The following KIF26B variants were observed in gnomAD, a reference collection of about 807,000 sequenced individuals.
KIF26B encodes the protein kinesin family member 26B.
KIF26B carries 63 observed loss-of-function variants against 151.2 expected under a neutral mutation model. The observed-to-expected ratio is 0.42, with a 90% CI of 0.34 to 0.51. KIF26B has a LOEUF of 0.51. Among genes scored for constraint, KIF26B ranks in the 20% least tolerant of loss-of-function variants. The probability of loss-of-function intolerance (pLI) is 0.07; values close to 1 mark genes in which losing one functional copy is unlikely to be tolerated. For synonymous variants in KIF26B, 1,357 were observed against 1,262.1 expected (o/e 1.08, Z -1.59); for missense variants, 2,813 against 2,913.6 (o/e 0.97, Z 0.79).
chr1:245,633,132 C>A (rs1300173405), intron 9 of KIF26B, among the ~76,000 whole-genome samples: 3 of 151,892 alleles, frequency 2.0e-5, no homozygotes, highest in Non-Finnish European at 4.4e-5. Context: ...TTTTGGCTAA[C>A]ATTGTATTTT....
rs2044528306 is a variant in KIF26B, at chr1:245,686,721, C to T, written c.3738C>T (p.Ala1246=). The T allele has an allele frequency of 6.2e-7, 1 of 1,613,410 alleles. No individual in the cohort carries two copies. The highest frequency in any genetic ancestry group is 1.3e-5 in the African/African-American group (1 of 74,958). Residue 1246 remains alanine (A), a synonymous_variant, in exon 12 of 15, where the codon GCC becomes GCT. Coordinates refer to ENST00000407071, the MANE Select transcript of KIF26B (RefSeq NM_018012.4). The surrounding 1 kb of genome is among the most constrained non-coding windows in gnomAD (Gnocchi z 5.6). Reference sequence around the variant, plus strand: ...ACCTGGAGTGCTACTCCAGCACGGCCCCCGTCTCCGAGGTCAGCATCACAC... The same window carrying T: ...ACCTGGAGTGCTACTCCAGCACGGCTCCCGTCTCCGAGGTCAGCATCACAC... ...SEDLECYSST[A]PVSEVSITQF... is the part of the protein sequence containing the mutation.
Position 245,305,953 on chromosome 1 carries a change from A to G in KIF26B, c.466-60881A>G, listed in dbSNP as rs1010013443. Among the ~76,000 whole-genome samples the G allele has an allele frequency of 1.5e-3, 220 of 151,604 alleles. 1 individual carries two copies. The highest frequency in any genetic ancestry group is 4.9e-3 in the African/African-American group (204 of 41,366). ...CGACTCCTCAAAAAAAAAAAAAAAAAAAAAGAAAAGAAAATGTGAAACGAT... is the reference window on the plus strand; with the variant it reads ...CGACTCCTCAAAAAAAAAAAAAAAAGAAAAGAAAAGAAAATGTGAAACGAT... On this transcript the variant is annotated intron_variant, in intron 2 of 14. Coordinates refer to ENST00000407071, the MANE Select transcript of KIF26B (RefSeq NM_018012.4).
intron 4 of KIF26B, among the ~76,000 whole-genome samples, chr1:245,465,881 T>C (rs1445180800): frequency 3.3e-5 from 5 of 151,990 alleles, no homozygotes. Context: ...TCCTCTCCCA[T>C]CTCCTTCTGC....
chr1:245,611,833 A>C lies in KIF26B; in HGVS notation c.1955A>C (p.Lys652Thr), dbSNP rs1167489070. The C allele has an allele frequency of 6.2e-7, 1 of 1,613,822 alleles. No homozygotes were observed. Among genetic ancestry groups the C allele is most frequent in the East Asian group, 2.2e-5 (1 of 44,872 alleles). The stretch of plus-strand genomic sequence containing the variant: ...GAGCTGCGGGCCCCCACCGCAGAGA[A>C]GGCTGCCTTTTTCCTGGATGCCGCC... ...QSELRAPTAEKAAFFLDAAIA... is the reference protein window; with the variant it reads ...QSELRAPTAETAAFFLDAAIA... The change falls in exon 9 of 15, where the codon AAG becomes ACG. Residue 652 changes from lysine (K) to threonine (T), a missense_variant. By Grantham distance (78) the Lys-to-Thr change is moderately conservative. This residue lies in a region of KIF26B where 2,060 missense variants were observed against 2,088.6 expected (regional missense o/e 0.99). Transcript: ENST00000407071.
At chr1:245,651,503 T>C (rs1460611045) in intron 10 of KIF26B, among the ~76,000 whole-genome samples, 1 of 151,484 alleles carries the variant, frequency 6.6e-6, no homozygotes, top group African/African-American at 2.4e-5. Context: ...TAGCCTCTCC[T>C]TTCTCAGAAC....
At chr1:245,562,111 C>T (rs192690652) in intron 5 of KIF26B, among the ~76,000 whole-genome samples, 85 of 152,114 alleles carry the variant, frequency 5.6e-4, no homozygotes, top group African/African-American at 2.0e-3. Flanking sequence ...TACTTTGTCT[C>T]CGCGGTGGTG....
intron 5 of KIF26B, among the ~76,000 whole-genome samples, chr1:245,592,869 G>C (rs1420764763): frequency 6.6e-6 from 1 of 152,212 alleles, no homozygotes; most frequent in Non-Finnish European, 1.5e-5. Flanking sequence ...CTGTGGTTCT[G>C]TAATGGTAAC....
intron 3 of KIF26B, among the ~76,000 whole-genome samples, chr1:245,408,547 G>C (rs1674195332): frequency 6.6e-6 from 1 of 151,932 alleles, no homozygotes; most frequent in African/African-American, 2.4e-5. Flanking sequence ...TAGAGACGGG[G>C]TTTCACCATA....
chr1:245,602,778 T>C lies in KIF26B; in HGVS notation c.1552T>C (p.Ser518Pro). 1 of 1,613,264 alleles carries C rather than the reference T, an allele frequency of 6.2e-7. No homozygotes were observed. The highest frequency in any genetic ancestry group is 8.5e-7 in the Non-Finnish European group (1 of 1,179,854). Residue 518 changes from serine to proline, a missense_variant, in exon 6 of 15, where the codon TCT becomes CCT. Transcript: ENST00000407071. This position sits in a 1 kb window ranked among gnomAD's most constrained non-coding sequence, Gnocchi z 4.5. ...CGATGCAGTTTTTCCACAAGACGCT[T>C]CTCAGGTGGGTATCAGCCCCCTCTC... ...AFDAVFPQDA[S>P]QAEVCAGTVA...
chr1:245,461,540 T>G (rs1572073236), intron 4 of KIF26B, among the ~76,000 whole-genome samples: 1 of 152,284 alleles, frequency 6.6e-6, no homozygotes, highest in East Asian at 1.9e-4. Context: ...CAGGGTCGTT[T>G]GTTGAGAGAA....
At chr1:245,629,047 G>A (rs937646540) in intron 9 of KIF26B, among the ~76,000 whole-genome samples, 7 of 152,130 alleles carry the variant, frequency 4.6e-5, no homozygotes, top group African/African-American at 7.2e-5. Flanking sequence ...CAAGGAATGC[G>A]AAGGACCCCT....
intron 4 of KIF26B, among the ~76,000 whole-genome samples, chr1:245,525,575 C>T (rs755388661): frequency 2.0e-5 from 3 of 152,146 alleles, no homozygotes; most frequent in Non-Finnish European, 4.4e-5. Flanking sequence ...CAAAGCCTAG[C>T]TGTTGTGTAA....
intron 12 of KIF26B, among the ~76,000 whole-genome samples, chr1:245,693,010 T>C (rs1035305210): frequency 6.6e-6 from 1 of 152,126 alleles, no homozygotes; most frequent in African/African-American, 2.4e-5. Flanking sequence ...GCCCCTACCC[T>C]GAGCCCCCAG....
At chr1:245,462,355 A>G (rs906952893) in intron 4 of KIF26B, among the ~76,000 whole-genome samples, 10 of 152,154 alleles carry the variant, frequency 6.6e-5, no homozygotes, top group African/African-American at 2.4e-4. Context: ...ATGCACGCGT[A>G]GTGTTTGCCC....
intron 3 of KIF26B, among the ~76,000 whole-genome samples, chr1:245,372,230 C>T (rs1050396060): frequency 6.6e-6 from 1 of 152,126 alleles, no homozygotes; most frequent in Non-Finnish European, 1.5e-5. Context: ...GTTGCATGCT[C>T]CTTATGAGAA....
chr1:245,181,573 A>T (rs1668907708), intron 2 of KIF26B, among the ~76,000 whole-genome samples: 1 of 152,098 alleles, frequency 6.6e-6, no homozygotes, highest in South Asian at 2.1e-4. Flanking sequence ...AGGCAAAAAT[A>T]AACATGGCTA....
chr1:245,449,039 C>T (rs371818543), intron 4 of KIF26B, among the ~76,000 whole-genome samples: 8 of 152,276 alleles, frequency 5.3e-5, no homozygotes, highest in South Asian at 2.1e-4. Context: ...TACTTTAGCA[C>T]GTCAGTACTT....
Position 245,687,915 on chromosome 1 carries a change from G to C in KIF26B, c.4932G>C (p.Lys1644Asn), listed in dbSNP as rs1279769041. ...GCCTCCCAGACGAGCCTAGCGGCAA[G>C]ACGAAGGACGCCAGCAGCAGCAGCA... ...PAGLPDEPSG[K>N]TKDASSSSKL... The change falls in exon 12 of 15, where the codon AAG (lysine) becomes AAC (asparagine). Residue 1644 changes from lysine to asparagine, a missense_variant. Physicochemically the swap from Lys to Asn is moderately conservative, Grantham distance 94. Coordinates refer to ENST00000407071, the MANE Select transcript of KIF26B (RefSeq NM_018012.4). The surrounding 1 kb of genome is among the most constrained non-coding windows in gnomAD (Gnocchi z 4.9). 1.3e-6 allele frequency: 2 copies of C among 1,593,498 alleles called. No homozygotes were observed. Among genetic ancestry groups the C allele is most frequent in the Non-Finnish European group, 1.7e-6 (2 of 1,171,878 alleles).
intron 2 of KIF26B, among the ~76,000 whole-genome samples, chr1:245,317,764 T>C (rs1260860495): frequency 6.6e-6 from 1 of 152,210 alleles, no homozygotes; most frequent in East Asian, 1.9e-4. Context: ...GAGGTGGGTG[T>C]GCTGGGCGGG....
Sources: gnomAD v4.1 joint callset for allele counts (sites outside exome capture counted in the v4.1 genomes callset) on GRCh38, gnomAD v4.1.1 for gene constraint, gnomAD v4.1.1 regional missense constraint, Gnocchi (gnomAD v3.1) non-coding constraint, MANE v1.5 for transcripts, NCBI Gene and HGNC (gene_info 2026-07-23, HGNC 2026-07-21) for gene names.